ADGRV1: variants seen among roughly 807,000 people sequenced by gnomAD.
ADGRV1 encodes the protein G-protein coupled receptor 98.
Under a neutral mutation model 596.2 loss-of-function variants are expected in ADGRV1, and 359 were observed. The ratio of observed to expected loss-of-function variants is 0.60; its 90% confidence interval spans 0.55 to 0.66. ADGRV1 has a LOEUF of 0.66. Ranked by LOEUF, ADGRV1 falls within the 30% of genes least tolerant of loss-of-function variation. The pLI, the probability that ADGRV1 is intolerant of heterozygous loss-of-function variation, is 0.00. For synonymous variants in ADGRV1, 2,681 were observed against 2,679.2 expected, an observed-to-expected ratio of 1.00 and a Z score of -0.02; for missense variants, 7,274 against 7,575.6, an observed-to-expected ratio of 0.96 and a Z score of 1.48.
chr5:91,013,790 G>A (rs114603648), intron 85 of ADGRV1, among the ~76,000 whole-genome samples: 2,882 of 152,012 alleles, frequency 0.019, 80 homozygotes, highest in African/African-American at 0.065. Flanking sequence ...CTATTTCTAT[G>A]TGTAGGGTGG....
At chr5:90,688,139 C>T (rs1745937411) in intron 29 of ADGRV1, among the ~76,000 whole-genome samples, 1 of 152,086 alleles carries the variant, frequency 6.6e-6, no homozygotes, top group African/African-American at 2.4e-5. Flanking sequence ...TACCTGACCT[C>T]AAACTATACT....
At chr5:90,932,468 A>C (rs1000912638) in intron 83 of ADGRV1, among the ~76,000 whole-genome samples, 1 of 152,206 alleles carries the variant, frequency 6.6e-6, no homozygotes, top group African/African-American at 2.4e-5. Context: ...AAAACAAACC[A>C]ACAAAAACAA....
At chr5:91,095,643 G>A (rs1790788565) in intron 86 of ADGRV1, among the ~76,000 whole-genome samples, 2 of 152,018 alleles carry the variant, frequency 1.3e-5, no homozygotes, top group African/African-American at 2.4e-5. Context: ...AAACATCCTT[G>A]TCTCTAAGTA....
chr5:90,809,229 T>C (rs1400010932), intron 73 of ADGRV1, among the ~76,000 whole-genome samples: 1 of 149,694 alleles, frequency 6.7e-6, no homozygotes, highest in African/African-American at 2.5e-5. Flanking sequence ...GTGCTGGGAT[T>C]ACAGGCGTGA....
intron 87 of ADGRV1, among the ~76,000 whole-genome samples, chr5:91,143,662 A>G (rs1562274005): frequency 6.6e-6 from 1 of 152,274 alleles, no homozygotes; most frequent in South Asian, 2.1e-4. Flanking sequence ...AGGTGGGCCT[A>G]GAAAAAGCAC....
At chr5:91,024,627 C>G (rs1167903243) in intron 85 of ADGRV1, among the ~76,000 whole-genome samples, 1 of 152,042 alleles carries the variant, frequency 6.6e-6, no homozygotes, top group African/African-American at 2.4e-5. Context: ...AATGAACAAT[C>G]CAGGGTTCCA....
At chr5:90,559,025 C>A (rs1754444492) in intron 1 of ADGRV1, 108 bp downstream of exon 1, 3 of 1,010,312 alleles carry the variant, frequency 3.0e-6, no homozygotes, top group Non-Finnish European at 4.1e-6. Flanking sequence ...GCGCGGAGGG[C>A]GGGCCACAGC....
chr5:91,117,703 C>G (rs1244976378), intron 87 of ADGRV1, among the ~76,000 whole-genome samples: 1 of 152,160 alleles, frequency 6.6e-6, no homozygotes, highest in African/African-American at 2.4e-5. Flanking sequence ...AATTGAATAA[C>G]TGTACAATAA....
chr5:91,009,182 C>T (rs1387007218), intron 85 of ADGRV1, among the ~76,000 whole-genome samples: 18 of 152,154 alleles, frequency 1.2e-4, no homozygotes, highest in Non-Finnish European at 1.6e-4. Context: ...TTGACATTTT[C>T]CTTTGTATAG....
intron 79 of ADGRV1, among the ~76,000 whole-genome samples, chr5:90,849,178 C>T (rs1023884233): frequency 2.0e-5 from 3 of 152,058 alleles, no homozygotes; most frequent in African/African-American, 7.3e-5. Context: ...ATTGTGCTTT[C>T]CCCAATCACA....
rs765155003 is a variant in ADGRV1 at position 90,694,304 on chromosome 5, T to TCA, written c.7548_7549insCA (p.Asp2517GlnfsTer24). ...GGCAATGGGCCATAATGCAGGAAGG[T>TCA]GATGAATTCGCAAATCTCACAGTGT... is the stretch of plus-strand genomic sequence containing the variant. On this transcript the variant is annotated frameshift_variant, in exon 33 of 90. Coordinates refer to ENST00000405460, the MANE Select transcript of ADGRV1 (RefSeq NM_032119.4). LOFTEE classifies it high-confidence loss of function. 6.2e-7 allele frequency: 1 copy of TCA among 1,613,934 alleles called. No individual in the cohort carries two copies. The highest frequency in any genetic ancestry group is 8.5e-7 in the Non-Finnish European group (1 of 1,179,850).
At chr5:91,011,799 T>TA (rs1481443095) in intron 85 of ADGRV1, among the ~76,000 whole-genome samples, 3 of 151,916 alleles carry the variant, frequency 2.0e-5, no homozygotes, top group African/African-American at 7.2e-5. Flanking sequence ...TCGTGGTTAA[T>TA]AAAGCTACTT....
At chr5:90,663,558 A>G (rs1449047842) in intron 21 of ADGRV1, among the ~76,000 whole-genome samples, 1 of 151,962 alleles carries the variant, frequency 6.6e-6, no homozygotes, top group Non-Finnish European at 1.5e-5. Flanking sequence ...CCCATTTTGT[A>G]GGTTGCCTGT....
chr5:90,904,557 T>A (rs1772144801), intron 83 of ADGRV1, among the ~76,000 whole-genome samples: 1 of 152,096 alleles, frequency 6.6e-6, no homozygotes, highest in Admixed American at 6.6e-5. Flanking sequence ...CATTCGTTTG[T>A]CTTCTTTGAG....
At chr5:90,787,839 C>T (rs1256062248) in intron 67 of ADGRV1, among the ~76,000 whole-genome samples, 1 of 151,964 alleles carries the variant, frequency 6.6e-6, no homozygotes, top group Non-Finnish European at 1.5e-5. Context: ...GATCTGCCCG[C>T]CTCGGCCTCC....
chr5:90,963,710 T>C (rs1032998402), intron 83 of ADGRV1, among the ~76,000 whole-genome samples: 4 of 151,422 alleles, frequency 2.6e-5, no homozygotes, highest in African/African-American at 9.7e-5. Flanking sequence ...AACTTCCTTC[T>C]ATTATTGATG....
At chr5:91,144,272 G>A (rs1207985184) in intron 87 of ADGRV1, among the ~76,000 whole-genome samples, 1 of 152,220 alleles carries the variant, frequency 6.6e-6, no homozygotes, top group Admixed American at 6.5e-5. Flanking sequence ...ACCATCAATA[G>A]TGGGTATGGT....
chr5:91,024,451 C>T (rs1783868052), intron 85 of ADGRV1, among the ~76,000 whole-genome samples: 1 of 152,152 alleles, frequency 6.6e-6, no homozygotes, highest in African/African-American at 2.4e-5. Context: ...CCCTTGTTTA[C>T]ATCCTCTGTA....
intron 87 of ADGRV1, among the ~76,000 whole-genome samples, chr5:91,145,197 G>GA (rs112688917): frequency 0.037 from 5,627 of 150,904 alleles, 118 homozygotes; most frequent in Middle Eastern, 0.079. Flanking sequence ...ATGCTTTTAA[G>GA]AAAAAAAAAC....
Sources: gnomAD v4.1 joint callset for allele counts (sites outside exome capture counted in the v4.1 genomes callset) on GRCh38, gnomAD v4.1.1 for gene constraint, MANE v1.5 for transcripts, NCBI Gene and HGNC (gene_info 2026-07-23, HGNC 2026-07-21) for gene names.